The following RAD51B variants were observed in gnomAD, a reference collection of about 807,000 sequenced individuals.
RAD51B encodes RAD51 paralog B, also known as DNA repair protein RAD51 homolog 2.
RAD51B carries 38 observed loss-of-function variants against 42.2 expected under a neutral mutation model. That is an observed-to-expected ratio of 0.90 (90% CI 0.70 to 1.18). The LOEUF (loss-of-function observed/expected upper bound fraction) is 1.18, where lower values mean the gene tolerates loss of function less well. RAD51B is among the 50% of genes most tolerant of loss of function. The probability of loss-of-function intolerance (pLI) is 0.00; values close to 1 mark genes in which losing one functional copy is unlikely to be tolerated. For synonymous variants in RAD51B, 154 were observed against 145.2 expected (o/e 1.06, Z -0.43); for missense variants, 373 against 400.7 (o/e 0.93, Z 0.59).
chr14:68,217,381 A>G (rs2079837809), intron 7 of RAD51B, among the ~76,000 whole-genome samples: 2 of 152,210 alleles, frequency 1.3e-5, no homozygotes, highest in African/African-American at 4.8e-5. Context: ...CTGGCCAATC[A>G]ATATGGAGTT....
At chr14:68,648,092 TGTATATATATATACACACAC>T (rs1566963540) in intron 10 of RAD51B, among the ~76,000 whole-genome samples, 13 of 24,956 alleles carry the variant, frequency 5.2e-4, no homozygotes, top group African/African-American at 1.1e-3. Context: ...TATACGTGTG[TGTATATATATATACACACAC>T]GTATATATAT....
At chr14:68,550,294 C>T (rs1888467676) in intron 10 of RAD51B, among the ~76,000 whole-genome samples, 3 of 152,174 alleles carry the variant, frequency 2.0e-5, no homozygotes, top group South Asian at 4.1e-4. Flanking sequence ...GTGTAAGTAC[C>T]CCTCCAGTGG....
At chr14:68,415,286 C>T (rs951000126) in intron 9 of RAD51B, among the ~76,000 whole-genome samples, 1 of 152,050 alleles carries the variant, frequency 6.6e-6, no homozygotes, top group Non-Finnish European at 1.5e-5. Flanking sequence ...AGGGGAGGTG[C>T]TGGGGTAGAG....
At chr14:67,824,322 A>G (rs978210616) in intron 2 of RAD51B, among the ~76,000 whole-genome samples, 4 of 152,122 alleles carry the variant, frequency 2.6e-5, no homozygotes, top group Non-Finnish European at 5.9e-5. Flanking sequence ...CAGTGGTGCC[A>G]TATCGGCTCA....
At chr14:68,159,369 C>T (rs2078587017) in intron 7 of RAD51B, among the ~76,000 whole-genome samples, 1 of 151,976 alleles carries the variant, frequency 6.6e-6, no homozygotes, top group Non-Finnish European at 1.5e-5. Context: ...CGCCTGTAAT[C>T]CCAGCACTTT....
intron 7 of RAD51B, among the ~76,000 whole-genome samples, chr14:67,959,332 C>T (rs1014191420): frequency 3.3e-5 from 5 of 152,026 alleles, no homozygotes; most frequent in African/African-American, 4.8e-5. Context: ...CTGCAAGCTC[C>T]GCCTCCTGGG....
chr14:68,143,025 G>A (rs1362529085), intron 7 of RAD51B, among the ~76,000 whole-genome samples: 5 of 151,536 alleles, frequency 3.3e-5, no homozygotes, highest in Non-Finnish European at 7.4e-5. Flanking sequence ...GGGGGTGGGG[G>A]GGGAGTTATT....
chr14:68,513,220 GCTTGGGTTAAACA>G (rs532346923), intron 10 of RAD51B, among the ~76,000 whole-genome samples: 132 of 152,322 alleles, frequency 8.7e-4, no homozygotes, highest in African/African-American at 3.0e-3. Context: ...CAATGGGCCA[GCTTGGGTTAAACA>G]CTGGCATTCA....
intron 7 of RAD51B, among the ~76,000 whole-genome samples, chr14:68,183,884 G>A (rs896018683): frequency 2.0e-5 from 3 of 152,080 alleles, no homozygotes; most frequent in African/African-American, 4.8e-5. Context: ...ACGAGGTCAG[G>A]AGATTGAGAC....
At chr14:68,580,494 T>TCA (rs1890164364) in intron 10 of RAD51B, among the ~76,000 whole-genome samples, 1 of 151,652 alleles carries the variant, frequency 6.6e-6, no homozygotes, top group African/African-American at 2.4e-5. Context: ...ATGAAGTGAG[T>TCA]CACTGAGTGG....
chr14:68,363,560 G>A (rs2083075392), intron 8 of RAD51B, among the ~76,000 whole-genome samples: 1 of 152,186 alleles, frequency 6.6e-6, no homozygotes, highest in South Asian at 2.1e-4. Flanking sequence ...CTCCTCATTG[G>A]AGTGTGCAGG....
At chr14:68,144,610 T>A (rs1278470058) in intron 7 of RAD51B, among the ~76,000 whole-genome samples, 2 of 152,210 alleles carry the variant, frequency 1.3e-5, no homozygotes, top group African/African-American at 4.8e-5. Flanking sequence ...TTCTGGAAAC[T>A]TCGTTAACTA....
At chr14:67,931,287 A>G (rs901669012) in intron 7 of RAD51B, among the ~76,000 whole-genome samples, 2 of 151,764 alleles carry the variant, frequency 1.3e-5, no homozygotes, top group African/African-American at 2.4e-5. Context: ...GGTTTAGTCT[A>G]TTGTTGATGC....
intron 7 of RAD51B, among the ~76,000 whole-genome samples, chr14:68,277,498 T>TCCC (rs1268189816): frequency 8.5e-5 from 13 of 152,294 alleles, no homozygotes; most frequent in Admixed American, 4.6e-4. Flanking sequence ...TTTAGGCCCA[T>TCCC]TTATATGCTG....
At chr14:68,460,779 T>C (rs1226955451) in intron 9 of RAD51B, among the ~76,000 whole-genome samples, 1 of 152,154 alleles carries the variant, frequency 6.6e-6, no homozygotes, top group Non-Finnish European at 1.5e-5. Flanking sequence ...AACCAAAGAC[T>C]TGACTTTGGG....
chr14:68,609,868 C>A (rs1371312060), intron 10 of RAD51B, among the ~76,000 whole-genome samples: 1 of 152,150 alleles, frequency 6.6e-6, no homozygotes, highest in Non-Finnish European at 1.5e-5. Context: ...CCCACCCACC[C>A]TTTGCCTCCC....
chr14:67,890,419 A>T (rs1475203882), intron 7 of RAD51B, among the ~76,000 whole-genome samples: 1 of 151,582 alleles, frequency 6.6e-6, no homozygotes, highest in African/African-American at 2.4e-5. Context: ...TTTTTTTCTG[A>T]GACATACAGA....
chr14:68,080,715 A>G (rs1035614167), intron 7 of RAD51B, among the ~76,000 whole-genome samples: 5 of 152,186 alleles, frequency 3.3e-5, no homozygotes, highest in African/African-American at 1.2e-4. Flanking sequence ...TGAAAAGTCT[A>G]CTTTCTCATC....
Position 68,303,017 on chromosome 14 carries a change from A to G in RAD51B, c.853+11037A>G, listed in dbSNP as rs2081778568. Among the ~76,000 whole-genome samples, 4 of 152,352 alleles carry G rather than the reference A, an allele frequency of 2.6e-5. No homozygotes were observed. The South Asian group carries it at 8.3e-4, about 32-fold the overall frequency. On this transcript the variant is annotated intron_variant, in intron 8 of 10. Transcript: ENST00000471583. ...CAAGATTTTGGGGGGCTTGCTCCCAACAGAAAGGTCTTATTCCTCATGCTG... is the reference window on the plus strand; with the variant it reads ...CAAGATTTTGGGGGGCTTGCTCCCAGCAGAAAGGTCTTATTCCTCATGCTG...
Sources: allele counts gnomAD v4.1 joint callset (sites outside exome capture counted in the v4.1 genomes callset), GRCh38; gene constraint gnomAD v4.1.1; transcripts MANE v1.5; gene names NCBI Gene and HGNC (gene_info 2026-07-23, HGNC 2026-07-21).